Variants in AGAP1 observed in about 807,000 individuals in gnomAD.
AGAP1 encodes arf-GAP with GTPase, ANK repeat and PH domain-containing protein 1.
Under a neutral mutation model 105.3 loss-of-function variants are expected in AGAP1, and 29 were observed. The observed-to-expected ratio is 0.28, with a 90% CI of 0.21 to 0.38. AGAP1 has a LOEUF of 0.38. Ranked by LOEUF, AGAP1 falls within the 10% of genes least tolerant of loss-of-function variation. The probability of loss-of-function intolerance (pLI) is 1.00; values close to 1 mark genes in which losing one functional copy is unlikely to be tolerated. For synonymous variants in AGAP1, 509 were observed against 485.9 expected (o/e 1.05, Z -0.63); for missense variants, 998 against 1,165.1 (o/e 0.86, Z 2.09).
chr2:235,651,136 G>A (rs969580218), intron 1 of AGAP1, among the ~76,000 whole-genome samples: 2 of 136,698 alleles, frequency 1.5e-5, no homozygotes, highest in Non-Finnish European at 3.1e-5. Context: ...AGTCAAGATC[G>A]TGCCAGCCAG....
rs933437470 is a variant in AGAP1, at chr2:235,970,761, C to G, written c.1645+2138C>G. Among the ~76,000 whole-genome samples, 2 of 152,194 alleles carry G rather than the reference C, an allele frequency of 1.3e-5. No homozygotes were observed. The highest frequency in any genetic ancestry group is 2.4e-5 in the African/African-American group (1 of 41,444). On this transcript the variant is annotated intron_variant, in intron 13 of 17. Transcript: ENST00000304032. This position sits in a 1 kb window ranked among gnomAD's most constrained non-coding sequence, Gnocchi z 5.4. ...GGAGCAGCTGGCACCACCCAGTGTTCCATTCAGCACCGGTGAGTTTGAAGG... is the reference window on the plus strand; with the variant it reads ...GGAGCAGCTGGCACCACCCAGTGTTGCATTCAGCACCGGTGAGTTTGAAGG...
rs1289445421 is a variant in AGAP1, at chr2:235,714,907, C to T, written c.223-2650C>T. Among the ~76,000 whole-genome samples, 2 of 152,176 alleles carry T rather than the reference C, an allele frequency of 1.3e-5. No homozygotes were observed. The highest frequency in any genetic ancestry group is 1.9e-4 in the East Asian group (1 of 5,200). On this transcript the variant is annotated intron_variant, in intron 2 of 17. Transcript: ENST00000304032. The surrounding 1 kb of genome is among the most constrained non-coding windows in gnomAD (Gnocchi z 4.1). ...CCGCCTCCTGGGTTCAGGCGATTCT[C>T]CTGCCTTAGCCTCCTGAGTAGCTGG...
At chr2:236,069,936 G>A (rs554738020) in intron 16 of AGAP1, among the ~76,000 whole-genome samples, 10 of 152,336 alleles carry the variant, frequency 6.6e-5, no homozygotes, top group East Asian at 5.8e-4. Flanking sequence ...CATCAGAGCC[G>A]TAGAGGGCCG....
chr2:235,608,476 G>C lies in AGAP1; in HGVS notation c.164-100703G>C, dbSNP rs1946021190. Among the ~76,000 whole-genome samples, 1 of 152,170 alleles carries C rather than the reference G, an allele frequency of 6.6e-6. No individual in the cohort carries two copies. The highest frequency in any genetic ancestry group is 1.5e-5 in the Non-Finnish European group (1 of 68,024). On this transcript the variant is annotated intron_variant, in intron 1 of 17. Transcript: ENST00000304032. This position sits in a 1 kb window ranked among gnomAD's most constrained non-coding sequence, Gnocchi z 5.4. ...AGATGCTCAGGGAAGGGGGTGGTCA[G>C]GCCCTGGGTCCCATGTTGGCAGCCT...
chr2:235,934,428 G>A lies in AGAP1; in HGVS notation c.1483+3505G>A, dbSNP rs563175208. Among the ~76,000 whole-genome samples, 15 of 152,286 alleles carry A rather than the reference G, an allele frequency of 9.8e-5. No individual in the cohort carries two copies. Among genetic ancestry groups the A allele is most frequent in the South Asian group, 6.2e-4 (3 of 4,824 alleles). ...TACCATCCCGGCGTCCCTCTGGTTC[G>A]CGTCATTCCCCCCTTTAGTGTGCTG... On this transcript the variant is annotated intron_variant, in intron 12 of 17. Transcript: ENST00000304032. The surrounding 1 kb of genome is among the most constrained non-coding windows in gnomAD (Gnocchi z 4.9).
At position 235,953,131 on chromosome 2, in the gene AGAP1, A is replaced by G. The variant is rs1184863947; in HGVS notation, c.1484-15331A>G. On this transcript the variant is annotated intron_variant, in intron 12 of 17. Coordinates refer to ENST00000304032, the MANE Select transcript of AGAP1 (RefSeq NM_001037131.3). The surrounding 1 kb of genome is among the most constrained non-coding windows in gnomAD (Gnocchi z 5.2). ...GGAGTCGCAAGGATCCCTTTTCATA[A>G]TGAAACTTCCTGTCCACAGTTTAGG... 6.6e-6 allele frequency among the ~76,000 whole-genome samples: 1 copy of G among 152,208 alleles called. No individual in the cohort carries two copies. The highest frequency in any genetic ancestry group is 6.5e-5 in the Admixed American group (1 of 15,290).
intron 1 of AGAP1, among the ~76,000 whole-genome samples, chr2:235,531,466 T>A (rs1013468323): frequency 5.9e-5 from 9 of 152,196 alleles, no homozygotes; most frequent in Non-Finnish European, 1.2e-4. Context: ...TTTCATGTCC[T>A]GTAGCTCATG....
At chr2:235,758,923 G>A (rs1954163521) in intron 6 of AGAP1, among the ~76,000 whole-genome samples, 1 of 152,134 alleles carries the variant, frequency 6.6e-6, no homozygotes. Context: ...CTCCCAAGTT[G>A]CTGGGATTAC....
intron 1 of AGAP1, among the ~76,000 whole-genome samples, chr2:235,570,637 G>A (rs569502543): frequency 2.6e-5 from 4 of 152,304 alleles, no homozygotes; most frequent in African/African-American, 7.2e-5. Context: ...CTGCTCTTTG[G>A]CCTCGGCATT....
At chr2:235,605,422 A>G (rs1030583229) in intron 1 of AGAP1, among the ~76,000 whole-genome samples, 2 of 152,240 alleles carry the variant, frequency 1.3e-5, no homozygotes, top group Non-Finnish European at 2.9e-5. Flanking sequence ...CGAAGATTCT[A>G]GCTAATCCTA....
At chr2:236,024,228 G>C (rs977499704) in intron 13 of AGAP1, among the ~76,000 whole-genome samples, 3 of 151,794 alleles carry the variant, frequency 2.0e-5, no homozygotes, top group Admixed American at 6.6e-5. Context: ...GTAGAGATGG[G>C]GTTTCACCAT....
chr2:235,853,250 G>T (rs760851786), intron 9 of AGAP1: 346 of 998,440 alleles, frequency 3.5e-4, no homozygotes, highest in Non-Finnish European at 4.0e-4. Flanking sequence ...GAGAAAAACG[G>T]GGTAAAATGG....
Position 235,557,140 on chromosome 2 carries a change from T to A in AGAP1, c.163+62291T>A, listed in dbSNP as rs1190766827. On this transcript the variant is annotated intron_variant, in intron 1 of 17. Transcript: ENST00000304032. This position sits in a 1 kb window ranked among gnomAD's most constrained non-coding sequence, Gnocchi z 4.7. Reference sequence around the variant, plus strand: ...GGTTGTCTTGCTGACCTGGTCTGCCTCCTGCTTGCTTCCATAGCAGAGCCT... The same window carrying A: ...GGTTGTCTTGCTGACCTGGTCTGCCACCTGCTTGCTTCCATAGCAGAGCCT... Among the ~76,000 whole-genome samples, 1 of 151,960 alleles carries A rather than the reference T, an allele frequency of 6.6e-6. No individual in the cohort carries two copies.
rs555204402 is a variant in AGAP1, at chr2:235,694,409, G to A, written c.164-14770G>A. Among the ~76,000 whole-genome samples the A allele has an allele frequency of 4.0e-5, 6 of 151,300 alleles. No homozygotes were observed. In the South Asian group the frequency reaches 1.3e-3, roughly 32 times the overall value. On this transcript the variant is annotated intron_variant, in intron 1 of 17. Coordinates refer to ENST00000304032, the MANE Select transcript of AGAP1 (RefSeq NM_001037131.3). The stretch of plus-strand genomic sequence containing the variant: ...CAGAAGAATGGCGTGAACACGGGAG[G>A]CAGAGCTTGCAGATAGCCGAGATCG...
Position 235,716,860 on chromosome 2 carries a change from C to T in AGAP1, c.223-697C>T, listed in dbSNP as rs528866048. 1.5e-3 allele frequency among the ~76,000 whole-genome samples: 225 copies of T among 152,212 alleles called. 1 individual carries two copies. Among genetic ancestry groups the T allele is most frequent in the African/African-American group, 4.8e-3 (198 of 41,540 alleles). On this transcript the variant is annotated intron_variant, in intron 2 of 17. Transcript: ENST00000304032. This position sits in a 1 kb window ranked among gnomAD's most constrained non-coding sequence, Gnocchi z 4.0. ...CCTTGCCGCCAGGTTACTGCTAGGA[C>T]AGAGGCCCTCATGTCACCCTCCCTC...
intron 9 of AGAP1, among the ~76,000 whole-genome samples, chr2:235,816,696 G>A (rs2106255359): frequency 6.6e-6 from 1 of 152,096 alleles, no homozygotes; most frequent in East Asian, 1.9e-4. Flanking sequence ...TTCAAGACCA[G>A]CCTGGCCAAC....
chr2:235,710,112 T>C (rs1224864169), intron 2 of AGAP1, among the ~76,000 whole-genome samples: 1 of 152,216 alleles, frequency 6.6e-6, no homozygotes, highest in Non-Finnish European at 1.5e-5. Flanking sequence ...GACTCCGGCA[T>C]GGGCCTGCCT....
rs938505337 is a variant in AGAP1 at position 236,040,075 on chromosome 2, C to T, written c.1801-676C>T. Among the ~76,000 whole-genome samples, 16 of 152,062 alleles carry T rather than the reference C, an allele frequency of 1.1e-4. No homozygotes were observed. Among genetic ancestry groups the T allele is most frequent in the Admixed American group, 7.2e-4 (11 of 15,266 alleles). ...GCAGTGAGCTATGATCACACCACTG[C>T]ACCCCAGCCTCAGCCACAGAGCGAG... On this transcript the variant is annotated intron_variant, in intron 14 of 17. Coordinates refer to ENST00000304032, the MANE Select transcript of AGAP1 (RefSeq NM_001037131.3). The surrounding 1 kb of genome is among the most constrained non-coding windows in gnomAD (Gnocchi z 5.6).
At position 235,988,231 on chromosome 2, in the gene AGAP1, C is replaced by T. The variant is rs1206049100; in HGVS notation, c.1645+19608C>T. ...CTAATTTTTGTGTTTTTAGTAGAGA[C>T]AGGGCTTCACCCTGTTGGCCAGGCT... On this transcript the variant is annotated intron_variant, in intron 13 of 17. Transcript: ENST00000304032. This position sits in a 1 kb window ranked among gnomAD's most constrained non-coding sequence, Gnocchi z 4.7. 2.6e-5 allele frequency among the ~76,000 whole-genome samples: 4 copies of T among 152,114 alleles called. No individual in the cohort carries two copies. Among genetic ancestry groups the T allele is most frequent in the Non-Finnish European group, 4.4e-5 (3 of 68,034 alleles).
Sources: gnomAD v4.1 joint callset for allele counts (sites outside exome capture counted in the v4.1 genomes callset) on GRCh38, gnomAD v4.1.1 for gene constraint, Gnocchi (gnomAD v3.1) non-coding constraint, MANE v1.5 for transcripts, NCBI Gene and HGNC (gene_info 2026-07-23, HGNC 2026-07-21) for gene names.